ARHGEF28: variants seen among roughly 807,000 people sequenced by gnomAD.
ARHGEF28 encodes Rho guanine nucleotide exchange factor 28, also known as 190 kDa guanine nucleotide exchange factor.
ARHGEF28 carries 152 observed loss-of-function variants against 206.6 expected under a neutral mutation model. The ratio of observed to expected loss-of-function variants is 0.74; its 90% CI spans 0.64 to 0.84. ARHGEF28 has a LOEUF of 0.84. Among genes scored for constraint, ARHGEF28 ranks in the 40% least tolerant of loss-of-function variants. ARHGEF28 has a pLI of 0.00. For missense variants in ARHGEF28, 2,028 were observed against 2,073.2 expected (o/e 0.98, Z 0.42); for synonymous variants, 763 against 776.4 (o/e 0.98, Z 0.29).
At chr5:73,937,884 G>C (rs1008277439) in intron 35 of ARHGEF28, among the ~76,000 whole-genome samples, 1 of 152,116 alleles carries the variant, frequency 6.6e-6, no homozygotes, top group African/African-American at 2.4e-5. Flanking sequence ...AGTTGAAATG[G>C]AGTAACAAAA....
At chr5:73,834,542 CTGTGTGTGTG>C (rs34258155) in intron 10 of ARHGEF28, among the ~76,000 whole-genome samples, 27 of 146,320 alleles carry the variant, frequency 1.8e-4, no homozygotes, top group African/African-American at 5.6e-4. Flanking sequence ...AATAATATTC[CTGTGTGTGTG>C]TGTGTGTGTG....
In ARHGEF28 at chr5:73,911,325, C is replaced by T; in HGVS notation, c.4698C>T (p.Phe1566=). The change falls in exon 35 of 36, where the codon TTC becomes TTT. Residue 1566 remains phenylalanine (F), a synonymous_variant. Coordinates refer to ENST00000513042, the MANE Select transcript of ARHGEF28 (RefSeq NM_001177693.2). ...GTTTATGTCATGAAAACTCATTCTT[C>T]ATCAATGAAGCTTTAGTACAAATGT... ...SESLCHENSF[F]INEALVQMSF... is the part of the protein sequence containing the mutation. 6 of 1,610,070 alleles carry T rather than the reference C, an allele frequency of 3.7e-6. No individual in the cohort carries two copies. Among genetic ancestry groups the T allele is most frequent in the Non-Finnish European group, 5.1e-6 (6 of 1,177,824 alleles).
rs183287070 is a variant in ARHGEF28, at chr5:73,759,309, G to A, written c.475+6107G>A. On this transcript the variant is annotated intron_variant, in intron 4 of 35. Coordinates refer to ENST00000513042, the MANE Select transcript of ARHGEF28 (RefSeq NM_001177693.2). ...GTTTCAAGGACAAATCCAAGTACAA[G>A]TCACAGCATAATGAGTAGTAAGTTA... Among the ~76,000 whole-genome samples, 8 of 152,278 alleles carry A rather than the reference G, an allele frequency of 5.3e-5. No homozygotes were observed. The East Asian group carries it at 1.4e-3, about 26-fold the overall frequency.
At chr5:73,696,840 G>A (rs193231319) in intron 2 of ARHGEF28, among the ~76,000 whole-genome samples, 1 of 152,280 alleles carries the variant, frequency 6.6e-6, no homozygotes, top group East Asian at 1.9e-4. Context: ...TCCTCCTGGA[G>A]CACTCTTTAA....
intron 9 of ARHGEF28, among the ~76,000 whole-genome samples, chr5:73,819,864 G>T (rs113393802): frequency 6.6e-6 from 1 of 152,150 alleles, no homozygotes; most frequent in African/African-American, 2.4e-5. Flanking sequence ...TTAAGATGCA[G>T]CTTGAGTGTA....
chr5:73,813,365 G>A (rs1755961667), intron 9 of ARHGEF28: 1 of 464,974 alleles, frequency 2.2e-6, no homozygotes, highest in South Asian at 9.2e-5. Flanking sequence ...TACTTCCCTA[G>A]TTTGGCTTTA....
chr5:73,744,378 C>T (rs1751607070), intron 2 of ARHGEF28, among the ~76,000 whole-genome samples: 1 of 152,066 alleles, frequency 6.6e-6, no homozygotes, highest in African/African-American at 2.4e-5. Context: ...CCTAATATTA[C>T]ACATCTGGCT....
chr5:73,830,114 C>T (rs1239535355), intron 9 of ARHGEF28, among the ~76,000 whole-genome samples: 1 of 152,136 alleles, frequency 6.6e-6, no homozygotes, highest in Non-Finnish European at 1.5e-5. Flanking sequence ...AAATGTATGA[C>T]ATTGACACCA....
At chr5:73,675,599 G>A (rs1181193397) in intron 1 of ARHGEF28, among the ~76,000 whole-genome samples, 3 of 151,794 alleles carry the variant, frequency 2.0e-5, no homozygotes, top group Non-Finnish European at 2.9e-5. Context: ...TGGGCGTGGT[G>A]ACGGGTGCCT....
chr5:73,671,228 G>A (rs975926644), intron 1 of ARHGEF28, among the ~76,000 whole-genome samples: 7 of 152,144 alleles, frequency 4.6e-5, no homozygotes, highest in African/African-American at 1.7e-4. Context: ...AAAGTAAAAA[G>A]TGGGAAACCC....
At chr5:73,645,671 A>C (rs1361584996) in intron 1 of ARHGEF28, among the ~76,000 whole-genome samples, 1 of 152,204 alleles carries the variant, frequency 6.6e-6, no homozygotes, top group Non-Finnish European at 1.5e-5. Context: ...ATTAATGCAG[A>C]GGTTAAGAAA....
At chr5:73,734,577 A>G (rs1750802982) in intron 2 of ARHGEF28, among the ~76,000 whole-genome samples, 1 of 152,146 alleles carries the variant, frequency 6.6e-6, no homozygotes, top group African/African-American at 2.4e-5. Flanking sequence ...CACAGGTAAC[A>G]TTTCTCTGTG....
intron 2 of ARHGEF28, among the ~76,000 whole-genome samples, chr5:73,715,388 C>T (rs1749522856): frequency 6.6e-6 from 1 of 152,080 alleles, no homozygotes; most frequent in Non-Finnish European, 1.5e-5. Context: ...GCAGGAGACA[C>T]AAGAGTTGAG....
At chr5:73,642,593 C>G (rs568173147) in intron 1 of ARHGEF28, among the ~76,000 whole-genome samples, 2 of 152,098 alleles carry the variant, frequency 1.3e-5, no homozygotes, top group East Asian at 3.9e-4. Context: ...CAAGGATTAC[C>G]CTGATTTTTT....
At chr5:73,742,239 T>C (rs1261689326) in intron 2 of ARHGEF28, among the ~76,000 whole-genome samples, 1 of 152,188 alleles carries the variant, frequency 6.6e-6, no homozygotes, top group African/African-American at 2.4e-5. Context: ...TTATTGTTTT[T>C]AGATTAAAAA....
chr5:73,681,708 G>A (rs1427988217), intron 1 of ARHGEF28, among the ~76,000 whole-genome samples: 2 of 152,010 alleles, frequency 1.3e-5, no homozygotes, highest in African/African-American at 2.4e-5. Context: ...CCAGCTATTC[G>A]CTAGGCTAAG....
At chr5:73,766,861 A>G (rs1262649023) in intron 4 of ARHGEF28, among the ~76,000 whole-genome samples, 1 of 152,214 alleles carries the variant, frequency 6.6e-6, no homozygotes, top group Non-Finnish European at 1.5e-5. Context: ...ATTCCTACCT[A>G]TAAACCCTAG....
In ARHGEF28 at chr5:73,749,963, G is replaced by A. The variant is rs775907662; in HGVS notation, c.160G>A (p.Val54Ile). ...GATTGCAGAGCGCATCGAGGATAACGTTCTCCAGTCCAGCGTCCCAGGTGA... is the reference window on the plus strand; with the variant it reads ...GATTGCAGAGCGCATCGAGGATAACATTCTCCAGTCCAGCGTCCCAGGTGA... Reference protein sequence around the residue: ...VMIAERIEDNVLQSSVPGHGL... With the variant: ...VMIAERIEDNILQSSVPGHGL... Residue 54 changes from valine to isoleucine, a missense_variant, in exon 3 of 36, where the codon GTT becomes ATT. Transcript: ENST00000513042. 1.4e-5 allele frequency: 23 copies of A among 1,613,794 alleles called. No individual in the cohort carries two copies. Among genetic ancestry groups the A allele is most frequent in the Admixed American group, 6.7e-5 (4 of 59,994 alleles).
intron 35 of ARHGEF28, among the ~76,000 whole-genome samples, chr5:73,923,811 A>G (rs544545437): frequency 8.7e-4 from 133 of 152,192 alleles, no homozygotes; most frequent in Non-Finnish European, 1.8e-3. Context: ...TTCAGAAAAT[A>G]TGTTGCATGA....
Sources: gnomAD v4.1 joint callset for allele counts (sites outside exome capture counted in the v4.1 genomes callset) on GRCh38, gnomAD v4.1.1 for gene constraint, MANE v1.5 for transcripts, NCBI Gene and HGNC (gene_info 2026-07-23, HGNC 2026-07-21) for gene names.